Variants in PECAM1 observed in about 807,000 individuals in gnomAD.
The protein encoded by PECAM1 is platelet and endothelial cell adhesion molecule 1.
Under a neutral mutation model 13.8 loss-of-function variants are expected in PECAM1, and 8 were observed. That is an observed-to-expected ratio of 0.58 (90% CI 0.34 to 1.05). The LOEUF (loss-of-function observed/expected upper bound fraction) is 1.05. PECAM1 is among the 50% of genes least tolerant of loss of function. The pLI is 0.03. For synonymous variants in PECAM1, 136 were observed against 52.6 expected, an observed-to-expected ratio of 2.58 and a Z score of -6.86; for missense variants, 304 against 141.2, an observed-to-expected ratio of 2.15 and a Z score of -5.84.
intron 14 of PECAM1, among the ~76,000 whole-genome samples, chr17:64,336,981 AAG>A (rs1425315969): frequency 2.0e-5 from 3 of 151,990 alleles, no homozygotes; most frequent in African/African-American, 7.2e-5. Context: ...GAAAAAGAAA[AAG>A]AGAGAGCGAG....
rs967988949 is a variant in PECAM1 at position 64,349,871 on chromosome 17, C to T, written c.2044+509G>A. On this transcript the variant is annotated intron_variant, in intron 12 of 15. Coordinates refer to ENST00000563924, the MANE Select transcript of PECAM1 (RefSeq NM_000442.5). The stretch of plus-strand genomic sequence containing the variant: ...CTGCACTCCAGCCTGGCTGACAGAG[C>T]GAGACTCTTGTCTCAAGAAAAAAAC... Among the ~76,000 whole-genome samples the T allele has an allele frequency of 3.0e-3, 459 of 151,964 alleles. 4 individuals carry two copies. The highest frequency in any genetic ancestry group is 0.011 in the African/African-American group (440 of 41,454).
intron 5 of PECAM1, among the ~76,000 whole-genome samples, chr17:64,366,240 C>T (rs1335066182): frequency 6.6e-6 from 1 of 151,516 alleles, no homozygotes; most frequent in East Asian, 1.9e-4. Flanking sequence ...CCATCACTGG[C>T]CATCAGAGAA....
In PECAM1 at chr17:64,390,612, G is replaced by C. The variant is rs1391267115; in HGVS notation, c.54C>G (p.Thr18=). 2.1e-6 allele frequency: 1 copy of C among 471,678 alleles called. No homozygotes were observed. The highest frequency in any genetic ancestry group is 2.0e-5 in the African/African-American group (1 of 50,466). The allele number at this position is 471,678 out of a possible 1,614,324, so 29.2% of individuals were successfully genotyped here. A position where few individuals can be genotyped will look rare whatever the true frequency, so the allele number is the denominator to read the frequency against. Residue 18 remains threonine (T), a synonymous_variant, in exon 1 of 16, where the codon ACC becomes ACG. Transcript: ENST00000563924. ...GATMWLGVLL[T]LLLCSSLEGQ... ...AGAGTAAACACTCACAGAGCAGAAG[G>C]GTCAGCAGGACTCCAAGCCACATCG...
At chr17:64,345,362 G>C (rs2035537041) in intron 13 of PECAM1, among the ~76,000 whole-genome samples, 2 of 152,130 alleles carry the variant, frequency 1.3e-5, no homozygotes, top group African/African-American at 4.8e-5. Context: ...TGTGCTGCCT[G>C]CGTAGGGCCT....
chr17:64,339,613 A>G (rs1005072036), intron 14 of PECAM1, among the ~76,000 whole-genome samples: 77 of 152,038 alleles, frequency 5.1e-4, no homozygotes, highest in Middle Eastern at 3.4e-3. Flanking sequence ...ACAAATAGAG[A>G]ACGGCTGTTT....
chr17:64,333,051 C>G (rs1822954), intron 14 of PECAM1, among the ~76,000 whole-genome samples: 124,883 of 152,186 alleles, frequency 0.82, 51,776 homozygotes, highest in African/African-American at 0.95. Flanking sequence ...TACTTGGAAG[C>G]CTGAGGCATG....
At chr17:64,331,361 T>G (rs533323486) in intron 14 of PECAM1, among the ~76,000 whole-genome samples, 1 of 152,302 alleles carries the variant, frequency 6.6e-6, no homozygotes, top group South Asian at 2.1e-4. Context: ...AATTTTTGTA[T>G]TTTTAGTAGA....
intron 10 of PECAM1, 35 bp downstream of exon 10, chr17:64,353,456 C>T: frequency 2.2e-6 from 1 of 463,722 alleles, no homozygotes; most frequent in Non-Finnish European, 3.9e-6. Flanking sequence ...ACCGTGCTCA[C>T]AGAGCAGCCG....
At chr17:64,386,414 A>G (rs2036595080) in intron 2 of PECAM1, among the ~76,000 whole-genome samples, 1 of 151,266 alleles carries the variant, frequency 6.6e-6, no homozygotes, top group Non-Finnish European at 1.5e-5. Context: ...AAAAAAAAAA[A>G]AAAAAGAAAA....
At chr17:64,328,311 ACT>A (rs764991749) in intron 15 of PECAM1, among the ~76,000 whole-genome samples, 30 of 151,856 alleles carry the variant, frequency 2.0e-4, no homozygotes, top group Non-Finnish European at 3.5e-4. Context: ...CTCATTTTCC[ACT>A]CTCTCAAAGC....
At chr17:64,370,709 G>A (rs1317837790) in intron 4 of PECAM1, among the ~76,000 whole-genome samples, 1 of 152,116 alleles carries the variant, frequency 6.6e-6, no homozygotes, top group Non-Finnish European at 1.5e-5. Context: ...TTTTAATCAA[G>A]TATAGATCAC....
chr17:64,341,044 C>T (rs1411944933), intron 14 of PECAM1, among the ~76,000 whole-genome samples: 6 of 147,002 alleles, frequency 4.1e-5, no homozygotes, highest in South Asian at 4.2e-4. Context: ...TGCAGTGAGC[C>T]GAGATCGCTC....
chr17:64,331,829 G>A (rs1371291496), intron 14 of PECAM1, among the ~76,000 whole-genome samples: 1 of 152,218 alleles, frequency 6.6e-6, no homozygotes, highest in Non-Finnish European at 1.5e-5. Context: ...GCTGCCTGGG[G>A]GAGACCCCAA....
intron 4 of PECAM1, among the ~76,000 whole-genome samples, chr17:64,371,399 C>T (rs913412996): frequency 2.6e-5 from 4 of 152,098 alleles, no homozygotes; most frequent in Non-Finnish European, 4.4e-5. Context: ...CAGCTAGGGG[C>T]GGTGGCTCAC....
In PECAM1 at chr17:64,320,908, AC is replaced by A; in HGVS notation, c.*2907del. The A allele has an allele frequency of 6.6e-6, 1 of 152,064 alleles. No homozygotes were observed. Among genetic ancestry groups the A allele is most frequent in the East Asian group, 1.9e-4 (1 of 5,198 alleles). The allele number at this position is 152,064 out of a possible 1,614,324, so 9.4% of individuals were successfully genotyped here. A position where few individuals can be genotyped will look rare whatever the true frequency, so the allele number is the denominator to read the frequency against. On this transcript the variant is annotated 3_prime_UTR_variant, in exon 16 of 16. Coordinates refer to ENST00000563924, the MANE Select transcript of PECAM1 (RefSeq NM_000442.5). ...ATGTTTAGGAGCATGCTTGGTTTCT[AC>A]CCACCAGATGCCGGGAGCACACCCA...
rs1196646623 is a variant in PECAM1, at chr17:64,320,364, G to A, written c.*3452C>T. The A allele has an allele frequency of 6.6e-6, 1 of 152,272 alleles. No individual in the cohort carries two copies. Among genetic ancestry groups the A allele is most frequent in the Non-Finnish European group, 1.5e-5 (1 of 68,168 alleles). 9.4% of individuals were successfully genotyped at this position (152,272 alleles called of 1,614,324 possible). ...TGGCTTCTAGGGCTGGAGGCCACTT[G>A]GGTCTGACAGACTGCCCTGCTGCCA... On this transcript the variant is annotated 3_prime_UTR_variant, in exon 16 of 16. Transcript: ENST00000563924.
chr17:64,361,753 CAAAAAA>C (rs61144320), intron 6 of PECAM1, among the ~76,000 whole-genome samples: 2 of 68,136 alleles, frequency 2.9e-5, no homozygotes, highest in South Asian at 7.9e-4. Context: ...AACTCCATCT[CAAAAAA>C]AAAAAAAAAA....
intron 15 of PECAM1, 36 bp downstream of exon 15, chr17:64,329,664 A>G: frequency 1.3e-6 from 1 of 743,500 alleles, no homozygotes; most frequent in Non-Finnish European, 2.5e-6. Context: ...TCAGTGGAGT[A>G]CTTTTAAATA....
chr17:64,325,403 G>A (rs972280523), intron 15 of PECAM1, among the ~76,000 whole-genome samples: 49 of 151,486 alleles, frequency 3.2e-4, no homozygotes, highest in African/African-American at 1.1e-3. Flanking sequence ...AAAAGAAAAT[G>A]GTAAATTTAA....
Sources: allele counts gnomAD v4.1 joint callset (sites outside exome capture counted in the v4.1 genomes callset), GRCh38; gene constraint gnomAD v4.1.1; transcripts MANE v1.5; gene names NCBI Gene and HGNC (gene_info 2026-07-23, HGNC 2026-07-21).